The following GPR158 variants were observed in gnomAD, a reference collection of about 807,000 sequenced individuals.
GPR158 encodes the protein metabotropic glycine receptor.
A neutral mutation model predicts 78.2 loss-of-function variants in GPR158; 30 were observed. The observed-to-expected ratio is 0.38, with a 90% confidence interval of 0.29 to 0.52. GPR158 has a LOEUF of 0.52. Ranked by LOEUF, GPR158 falls within the 20% of genes least tolerant of loss-of-function variation. The pLI is 0.83. For synonymous variants in GPR158, 581 were observed against 591.1 expected (o/e 0.98, Z 0.25); for missense variants, 1,463 against 1,523.5 (o/e 0.96, Z 0.66).
chr10:25,243,490 A>G (rs1269745648), intron 2 of GPR158, among the ~76,000 whole-genome samples: 1 of 152,190 alleles, frequency 6.6e-6, no homozygotes, highest in Admixed American at 6.5e-5. Flanking sequence ...TTAGCAAAAG[A>G]GTCTATTAAA....
At chr10:25,348,460 C>T (rs898934488) in intron 2 of GPR158, among the ~76,000 whole-genome samples, 3 of 150,028 alleles carry the variant, frequency 2.0e-5, no homozygotes, top group African/African-American at 7.4e-5. Flanking sequence ...AATTTATATC[C>T]CCATCAATAA....
At chr10:25,229,215 T>G (rs1451696123) in intron 2 of GPR158, among the ~76,000 whole-genome samples, 1 of 152,020 alleles carries the variant, frequency 6.6e-6, no homozygotes, top group Admixed American at 6.6e-5. Flanking sequence ...AGAAAGACAA[T>G]TTGAAGAACC....
At chr10:25,577,486 CT>C (rs201768072) in intron 7 of GPR158, among the ~76,000 whole-genome samples, 1,619 of 152,302 alleles carry the variant, frequency 0.011, 14 homozygotes, top group Non-Finnish European at 0.016. Context: ...CTGGGATCAG[CT>C]TTACCCGTCA....
At chr10:25,322,617 G>A (rs182271958) in intron 2 of GPR158, among the ~76,000 whole-genome samples, 4 of 152,250 alleles carry the variant, frequency 2.6e-5, no homozygotes, top group African/African-American at 9.6e-5. Flanking sequence ...ACTTTGCCTA[G>A]ATTCATAAGA....
At chr10:25,319,477 C>T (rs1854914314) in intron 2 of GPR158, among the ~76,000 whole-genome samples, 1 of 152,070 alleles carries the variant, frequency 6.6e-6, no homozygotes, top group Non-Finnish European at 1.5e-5. Context: ...AGTAAAGTTG[C>T]AGAATTTCTA....
chr10:25,542,739 G>A lies in GPR158; in HGVS notation c.1405-8237G>A, dbSNP rs200129567. ...CTTGGGAGGCTGAGGCAGGAGAATCGCTTGAACCCTGGAGGTGGAGGTTAC... is the reference window on the plus strand; with the variant it reads ...CTTGGGAGGCTGAGGCAGGAGAATCACTTGAACCCTGGAGGTGGAGGTTAC... On this transcript the variant is annotated intron_variant, in intron 5 of 10. Coordinates refer to ENST00000376351, the MANE Select transcript of GPR158 (RefSeq NM_020752.3). Among the ~76,000 whole-genome samples the A allele has an allele frequency of 1.8e-4, 27 of 145,980 alleles. No individual in the cohort carries two copies. In the East Asian group the frequency reaches 4.1e-3, roughly 22 times the overall value.
chr10:25,214,791 C>G (rs1008798957), intron 1 of GPR158, among the ~76,000 whole-genome samples: 2 of 151,856 alleles, frequency 1.3e-5, no homozygotes, highest in Non-Finnish European at 2.9e-5. Context: ...TGTGAAGACA[C>G]AAGGAGAAGA....
chr10:25,509,222 C>A (rs571181172), intron 5 of GPR158, among the ~76,000 whole-genome samples: 1 of 152,268 alleles, frequency 6.6e-6, no homozygotes, highest in Non-Finnish European at 1.5e-5. Flanking sequence ...ACAATCGCTT[C>A]TGATTGATTG....
chr10:25,404,019 A>G (rs145545757), intron 3 of GPR158, among the ~76,000 whole-genome samples: 1 of 152,234 alleles, frequency 6.6e-6, no homozygotes, highest in Admixed American at 6.5e-5. Context: ...ATACCATTAA[A>G]TAGAGCTTCT....
At chr10:25,291,871 AT>A (rs1854441905) in intron 2 of GPR158, among the ~76,000 whole-genome samples, 1 of 152,100 alleles carries the variant, frequency 6.6e-6, no homozygotes, top group African/African-American at 2.4e-5. Context: ...TGAGAAAGCA[AT>A]TTCATTATAA....
intron 9 of GPR158, 142 bp from the exon 10 acceptor site, chr10:25,596,501 A>G (rs1011778595): frequency 5.2e-6 from 3 of 580,726 alleles, no homozygotes; most frequent in Non-Finnish European, 6.0e-6. Context: ...CTCTCTATCT[A>G]TCTATCTATA....
chr10:25,425,177 G>A (rs1020220415), intron 4 of GPR158, among the ~76,000 whole-genome samples: 2 of 151,908 alleles, frequency 1.3e-5, no homozygotes, highest in East Asian at 3.9e-4. Context: ...TTGGCTGTCT[G>A]TTTGTCTGTT....
intron 4 of GPR158, among the ~76,000 whole-genome samples, chr10:25,416,599 ATAGT>A (rs1384151261): frequency 1.6e-5 from 2 of 121,822 alleles, no homozygotes; most frequent in Non-Finnish European, 3.7e-5. Flanking sequence ...TGTTGTTATA[ATAGT>A]TAGAAAAAAA....
chr10:25,215,194 G>A (rs1853191659), intron 1 of GPR158, among the ~76,000 whole-genome samples: 1 of 152,094 alleles, frequency 6.6e-6, no homozygotes, highest in South Asian at 2.1e-4. Context: ...AAAAAGGAAG[G>A]AAATTCTAAT....
rs751084826 is a variant in GPR158 at position 25,466,614 on chromosome 10, G to A, written c.1336-37G>A. 2.5e-5 allele frequency: 35 copies of A among 1,406,554 alleles called. No homozygotes were observed. In the Middle Eastern group the frequency reaches 1.1e-3, roughly 43 times the overall value. The allele number at this position is 1,406,554 out of a possible 1,614,324, so 87.1% of individuals were successfully genotyped here. On this transcript the variant is annotated intron_variant, in intron 4 of 10. Transcript: ENST00000376351. ...GCGTGAATTCTCCAGGCTTAGAAAT[G>A]TAAGTTAGTAATGACGTTTTTATTT...
At chr10:25,238,958 T>C (rs1049714901) in intron 2 of GPR158, among the ~76,000 whole-genome samples, 46 of 152,282 alleles carry the variant, frequency 3.0e-4, no homozygotes, top group African/African-American at 1.1e-3. Context: ...TCAAGGGTGG[T>C]ATTGTGTGGT....
chr10:25,575,712 T>C (rs1482621958), intron 7 of GPR158, among the ~76,000 whole-genome samples: 9 of 152,152 alleles, frequency 5.9e-5, no homozygotes, highest in Non-Finnish European at 4.4e-5. Flanking sequence ...CACTAGAACA[T>C]TGTTTTCAAT....
At chr10:25,201,533 A>G (rs1446780204) in intron 1 of GPR158, among the ~76,000 whole-genome samples, 7 of 152,098 alleles carry the variant, frequency 4.6e-5, no homozygotes, top group Non-Finnish European at 1.0e-4. Context: ...TTCTAGTACT[A>G]TGTTGAATAG....
intron 5 of GPR158, among the ~76,000 whole-genome samples, chr10:25,472,005 G>A (rs1835512843): frequency 6.6e-6 from 1 of 152,166 alleles, no homozygotes; most frequent in South Asian, 2.1e-4. Context: ...TGTTGCCATT[G>A]CTTTTGGTGT....
Sources: gnomAD v4.1 joint callset for allele counts (sites outside exome capture counted in the v4.1 genomes callset) on GRCh38, gnomAD v4.1.1 for gene constraint, MANE v1.5 for transcripts, NCBI Gene and HGNC (gene_info 2026-07-23, HGNC 2026-07-21) for gene names.